The following NUP214 variants were observed in gnomAD, a reference collection of about 807,000 sequenced individuals.
NUP214 encodes nuclear pore complex protein Nup214.
Under a neutral mutation model 196.2 loss-of-function variants are expected in NUP214, and 79 were observed. That is an observed-to-expected ratio of 0.40 (90% CI 0.34 to 0.49). The LOEUF (loss-of-function observed/expected upper bound fraction) is 0.49, where lower values mean the gene tolerates loss of function less well. Among genes scored for constraint, NUP214 ranks in the 20% least tolerant of loss-of-function variants. The pLI, the probability that NUP214 is intolerant of heterozygous loss-of-function variation, is 0.58. For missense variants in NUP214, 2,468 were observed against 2,539.0 expected (o/e 0.97, Z 0.60); for synonymous variants, 1,020 against 990.5 (o/e 1.03, Z -0.56).
Position 131,146,172 on chromosome 9 carries a change from A to C in NUP214, c.1813A>C (p.Ser605Arg), listed in dbSNP as rs1450927398. ...CTCTACTCCTGTTAGTAGCTCCCAG[A>C]GCGCACCCCCGATGTCGCCATTCTC... The part of the protein sequence containing the change: ...ATSTPVSSSQ[S>R]APPMSPFSSA... The change falls in exon 13 of 36, where the codon AGC becomes CGC. Residue 605 changes from serine to arginine, a missense_variant. Physicochemically the swap from Ser to Arg is moderately radical, Grantham distance 110 (BLOSUM62 -1). Around this residue, in one of 5 missense-constraint regions of NUP214, gnomAD observed 1,801 missense variants for 1,779.4 expected, o/e 1.01. Transcript: ENST00000359428. The surrounding 1 kb of genome is among the most constrained non-coding windows in gnomAD (Gnocchi z 4.6). 6.2e-7 allele frequency: 1 copy of C among 1,614,100 alleles called. No homozygotes were observed. The highest frequency in any genetic ancestry group is 1.7e-5 in the Admixed American group (1 of 59,998).
rs755738046 is a variant in NUP214, at chr9:131,127,490, A to G, written c.46-34A>G. ...ATAACATGTTTTAATTTCTTTCTTTATTGAATTGATCTCGTTTTGATTCTT... is the reference window on the plus strand; with the variant it reads ...ATAACATGTTTTAATTTCTTTCTTTGTTGAATTGATCTCGTTTTGATTCTT... On this transcript the variant is annotated intron_variant, in intron 1 of 35. Coordinates refer to ENST00000359428, the MANE Select transcript of NUP214 (RefSeq NM_005085.4). The G allele has an allele frequency of 5.8e-6, 9 of 1,545,812 alleles. 1 individual carries two copies. In the South Asian group the frequency reaches 1.1e-4, roughly 18 times the overall value.
At chr9:131,217,566 A>G (rs1834439555) in intron 31 of NUP214, among the ~76,000 whole-genome samples, 1 of 152,228 alleles carries the variant, frequency 6.6e-6, no homozygotes, top group African/African-American at 2.4e-5. Context: ...CATTGAGGAA[A>G]CAAGCCCAGA....
chr9:131,159,579 C>A, intron 18 of NUP214, 93 bp downstream of exon 18: 1 of 1,082,410 alleles, frequency 9.2e-7, no homozygotes, highest in Non-Finnish European at 1.4e-6. Context: ...AATCCCAGGC[C>A]GGGTGCGGTG....
At position 131,201,824 on chromosome 9, in the gene NUP214, AG is replaced by A. The variant is rs1833949827; in HGVS notation, c.5592+108del. 3 of 954,210 alleles carry A rather than the reference AG, an allele frequency of 3.1e-6. No individual in the cohort carries two copies. In the Admixed American group the frequency reaches 5.4e-5, roughly 17 times the overall value. 59.1% of individuals were successfully genotyped at this position (954,210 alleles called of 1,614,324 possible). A position where few individuals can be genotyped will look rare whatever the true frequency, so the allele number is the denominator to read the frequency against. On this transcript the variant is annotated intron_variant, in intron 30 of 35. Coordinates refer to ENST00000359428, the MANE Select transcript of NUP214 (RefSeq NM_005085.4). Reference sequence around the variant, plus strand: ...TTGTATATCTAAATCCAGCAAATATAGCCCTGTGTGGTTCTTAAGCTGTACT... The same window carrying A: ...TTGTATATCTAAATCCAGCAAATATACCCTGTGTGGTTCTTAAGCTGTACT...
intron 30 of NUP214, 66 bp from the exon 31 acceptor site, chr9:131,215,146 G>T: frequency 1.4e-6 from 2 of 1,395,190 alleles, no homozygotes; most frequent in Non-Finnish European, 9.4e-7. Flanking sequence ...CCTGCCCACG[G>T]ATGCAGCCTG....
intron 30 of NUP214, among the ~76,000 whole-genome samples, chr9:131,203,601 A>G (rs913104905): frequency 6.6e-6 from 1 of 152,196 alleles, no homozygotes; most frequent in Non-Finnish European, 1.5e-5. Flanking sequence ...GCTCTGTCCT[A>G]GTCAGTGATC....
chr9:131,173,922 C>T, intron 21 of NUP214, 133 bp from the exon 22 acceptor site: 1 of 1,181,366 alleles, frequency 8.5e-7, no homozygotes, highest in South Asian at 1.4e-5. Flanking sequence ...AATACCTGCT[C>T]CCACTTAAAA....
At chr9:131,223,723 A>ATTTATTTTTTTATTTT (rs1834634863) in intron 32 of NUP214, among the ~76,000 whole-genome samples, 1 of 18,968 alleles carries the variant, frequency 5.3e-5, no homozygotes, top group Non-Finnish European at 1.2e-4. Flanking sequence ...TTATTTATTT[A>ATTTATTTTTTTATTTT]TTTATTTTTT....
intron 3 of NUP214, chr9:131,128,925 A>T: frequency 3.0e-6 from 1 of 331,528 alleles, no homozygotes; most frequent in Non-Finnish European, 5.7e-6. Flanking sequence ...TTCATTTTAT[A>T]GGTAGAGAAA....
chr9:131,133,116 G>T lies in NUP214; in HGVS notation c.738G>T (p.Val246=). 1 of 1,611,364 alleles carries T rather than the reference G, an allele frequency of 6.2e-7. No individual in the cohort carries two copies. Among genetic ancestry groups the T allele is most frequent in the Non-Finnish European group, 8.5e-7 (1 of 1,178,688 alleles). ...AGATGTGTCTTTCAGTTCTGGATGT[G>T]CTGTGGATTGGTACCTACGTCTTCG... is the stretch of plus-strand genomic sequence containing the variant. ...ESDHPVRVLD[V]LWIGTYVFAI... The change falls in exon 7 of 36, where the codon GTG becomes GTT. Residue 246 remains valine, a synonymous_variant. Coordinates refer to ENST00000359428, the MANE Select transcript of NUP214 (RefSeq NM_005085.4).
chr9:131,223,727 A>ATTTATTTATTTATT, intron 32 of NUP214, among the ~76,000 whole-genome samples: 1 of 15,660 alleles, frequency 6.4e-5, no homozygotes, highest in African/African-American at 1.5e-4. Flanking sequence ...TTATTTATTT[A>ATTTATTTATTTATT]TTTTTTTTTT....
chr9:131,207,458 G>T (rs1003212328), intron 30 of NUP214, among the ~76,000 whole-genome samples: 1 of 152,200 alleles, frequency 6.6e-6, no homozygotes, highest in Non-Finnish European at 1.5e-5. Context: ...CCTACATTTG[G>T]CCTATGTAGC....
At chr9:131,196,035 C>CCA (rs1833776954) in intron 28 of NUP214, among the ~76,000 whole-genome samples, 1 of 36,846 alleles carries the variant, frequency 2.7e-5, no homozygotes, top group East Asian at 1.3e-3. Flanking sequence ...TCCCCCCCCC[C>CCA]CCCCGCGCCA....
intron 15 of NUP214, 45 bp from the exon 16 acceptor site, chr9:131,150,571 G>A (rs373931473): frequency 1.2e-5 from 20 of 1,603,290 alleles, no homozygotes; most frequent in Non-Finnish European, 1.6e-5. Context: ...TGACATTACT[G>A]TTTGTCCTTC....
chr9:131,227,873 G>T (rs1834764700), intron 32 of NUP214, among the ~76,000 whole-genome samples: 1 of 151,950 alleles, frequency 6.6e-6, no homozygotes, highest in African/African-American at 2.4e-5. Context: ...CACAGGGTCT[G>T]CAGGAGCTCT....
At chr9:131,166,507 T>TCATTAA (rs1389833899) in intron 21 of NUP214, among the ~76,000 whole-genome samples, 76 of 152,332 alleles carry the variant, frequency 5.0e-4, no homozygotes, top group Middle Eastern at 3.4e-3. Flanking sequence ...AGCAGATAAC[T>TCATTAA]GCACATGATA....
intron 24 of NUP214, among the ~76,000 whole-genome samples, chr9:131,182,549 C>T (rs551415313): frequency 9.8e-5 from 15 of 152,356 alleles, no homozygotes; most frequent in South Asian, 2.1e-4. Flanking sequence ...CATCCCCCTC[C>T]GCTGTCCGTC....
At position 131,164,119 on chromosome 9, in the gene NUP214, C is replaced by G; in HGVS notation, c.2868C>G (p.Thr956=). Residue 956 remains threonine, a synonymous_variant, in exon 21 of 36, where the codon ACC becomes ACG. Coordinates refer to ENST00000359428, the MANE Select transcript of NUP214 (RefSeq NM_005085.4). ...GAAACTTCTTGGCCAAGAGGAAGAC[C>G]CCACCAGTGAGATCCACTGCTCCAG... The part of the protein sequence containing the change: ...QLRNFLAKRK[T]PPVRSTAPAS... 6.2e-7 allele frequency: 1 copy of G among 1,614,026 alleles called. No individual in the cohort carries two copies. Among genetic ancestry groups the G allele is most frequent in the African/African-American group, 1.3e-5 (1 of 74,988 alleles).
At chr9:131,196,971 T>C (rs1833806498) in intron 28 of NUP214, among the ~76,000 whole-genome samples, 1 of 152,190 alleles carries the variant, frequency 6.6e-6, no homozygotes, top group African/African-American at 2.4e-5. Flanking sequence ...AGATATTTTG[T>C]ATTTGTTGTG....
Sources: allele counts gnomAD v4.1 joint callset (sites outside exome capture counted in the v4.1 genomes callset), GRCh38; gene constraint gnomAD v4.1.1; regional missense constraint gnomAD v4.1.1; non-coding constraint Gnocchi (gnomAD v3.1); transcripts MANE v1.5; gene names NCBI Gene and HGNC (gene_info 2026-07-23, HGNC 2026-07-21).